Variants in XKR7 observed in about 807,000 individuals in gnomAD.
XKR7 encodes the protein XK related 7, also known as XK-related protein 7.
In XKR7, 11 loss-of-function variants were observed where a neutral mutation model predicts 42.2. That is an observed-to-expected ratio of 0.26 (90% CI 0.16 to 0.43). The LOEUF is 0.43. Ranked by LOEUF, XKR7 falls within the 20% of genes least tolerant of loss-of-function variation. The probability of loss-of-function intolerance (pLI) is 1.00; values close to 1 mark genes in which losing one functional copy is unlikely to be tolerated. For synonymous variants in XKR7, 346 were observed against 366.4 expected (o/e 0.94, Z 0.64); for missense variants, 710 against 802.2 (o/e 0.89, Z 1.39).
rs946970666 is a variant in XKR7, at chr20:31,995,965, C to A, written c.788-540C>A. Among the ~76,000 whole-genome samples, 5 of 152,056 alleles carry A rather than the reference C, an allele frequency of 3.3e-5. No individual in the cohort carries two copies. Among genetic ancestry groups the A allele is most frequent in the African/African-American group, 1.2e-4 (5 of 41,396 alleles). On this transcript the variant is annotated intron_variant, in intron 2 of 2. Transcript: ENST00000562532. This position sits in a 1 kb window ranked among gnomAD's most constrained non-coding sequence, Gnocchi z 4.1. ...CACCACCCCTCATGGCCCTGGGGAC[C>A]CCTTGCCCAGTTACGGGGTCCCAAT...
rs577684599 is a variant in XKR7, at chr20:31,995,364, C to A, written c.787+94C>A. 1 of 1,514,702 alleles carries A rather than the reference C, an allele frequency of 6.6e-7. No homozygotes were observed. Among genetic ancestry groups the A allele is most frequent in the South Asian group, 1.2e-5 (1 of 81,664 alleles). 93.8% of individuals were successfully genotyped at this position (1,514,702 alleles called of 1,614,324 possible). On this transcript the variant is annotated intron_variant, in intron 2 of 2. Transcript: ENST00000562532. This position sits in a 1 kb window ranked among gnomAD's most constrained non-coding sequence, Gnocchi z 4.1. ...CCTGGGGATGCCCTGTGGGCTTCCCCACCCCAGCTCAGGGCTCACTCAGTC... is the reference window on the plus strand; with the variant it reads ...CCTGGGGATGCCCTGTGGGCTTCCCAACCCCAGCTCAGGGCTCACTCAGTC...
chr20:31,971,191 A>T (rs1285522276), intron 1 of XKR7, among the ~76,000 whole-genome samples: 2 of 79,920 alleles, frequency 2.5e-5, no homozygotes, highest in African/African-American at 5.8e-5. Flanking sequence ...GGACGGGAAC[A>T]GTGTGTATTG....
chr20:31,983,902 C>T (rs1175259172), intron 1 of XKR7, among the ~76,000 whole-genome samples: 4 of 151,550 alleles, frequency 2.6e-5, no homozygotes, highest in Non-Finnish European at 5.9e-5. Context: ...GAGCCAAGAT[C>T]GTGCTATTGC....
rs1455095442 is a variant in XKR7, at chr20:32,002,114, G to A, written c.*4657G>A. ...GAGGAAAAACTCTAGAGTGGGAGAT[G>A]TGGAAGTGGAAAAGGAAGGCCCTGT... is the stretch of plus-strand genomic sequence containing the variant. On this transcript the variant is annotated 3_prime_UTR_variant, in exon 3 of 3. Coordinates refer to ENST00000562532, the MANE Select transcript of XKR7 (RefSeq NM_001011718.2). 1 of 152,340 alleles carries A rather than the reference G, an allele frequency of 6.6e-6. No individual in the cohort carries two copies. The highest frequency in any genetic ancestry group is 1.9e-4 in the East Asian group (1 of 5,172). 9.4% of individuals were successfully genotyped at this position (152,340 alleles called of 1,614,324 possible).
intron 1 of XKR7, among the ~76,000 whole-genome samples, chr20:31,993,888 C>T (rs549478086): frequency 3.9e-5 from 6 of 152,246 alleles, no homozygotes; most frequent in East Asian, 1.9e-4. Flanking sequence ...AGAGTCATCC[C>T]GGGTTGGGGC....
chr20:31,994,385 C>T (rs960465864), intron 1 of XKR7, among the ~76,000 whole-genome samples: 6 of 152,174 alleles, frequency 3.9e-5, no homozygotes, highest in Admixed American at 3.9e-4. Context: ...GGATAAATGA[C>T]ATATCTCTCT....
intron 1 of XKR7, among the ~76,000 whole-genome samples, chr20:31,969,661 G>A (rs1335953889): frequency 6.6e-6 from 1 of 152,182 alleles, no homozygotes; most frequent in African/African-American, 2.4e-5. Flanking sequence ...TAGGCAAGCC[G>A]CCCTCCTCCT....
At chr20:31,980,487 C>T (rs555040844) in intron 1 of XKR7, among the ~76,000 whole-genome samples, 9 of 152,200 alleles carry the variant, frequency 5.9e-5, no homozygotes, top group Non-Finnish European at 1.0e-4. Flanking sequence ...CCATGCCCCA[C>T]GGTGAAATGG....
In XKR7 at chr20:31,996,722, C is replaced by CT; in HGVS notation, c.1006dup (p.Trp336LeufsTer122). 6.2e-7 allele frequency: 1 copy of CT among 1,613,424 alleles called. No individual in the cohort carries two copies. The highest frequency in any genetic ancestry group is 8.5e-7 in the Non-Finnish European group (1 of 1,179,662). ...ATTTTGGCATCTTCATCGTGGCCCACTGGTGCGTCATGACCTTCTGGGTCA... is the reference window on the plus strand; with the variant it reads ...ATTTTGGCATCTTCATCGTGGCCCACTTGGTGCGTCATGACCTTCTGGGTCA... On this transcript the variant is annotated frameshift_variant, in exon 3 of 3. Transcript: ENST00000562532. LOFTEE classifies it high-confidence loss of function.
Position 31,995,021 on chromosome 20 carries a change from G to T in XKR7, c.585-47G>T, listed in dbSNP as rs750305697. ...CGGCTCGGGGCTGGTGCGACAGAGC[G>T]AGAGGAACCAGCGCGCGGGAGCCTG... On this transcript the variant is annotated intron_variant, in intron 1 of 2. Coordinates refer to ENST00000562532, the MANE Select transcript of XKR7 (RefSeq NM_001011718.2). This position sits in a 1 kb window ranked among gnomAD's most constrained non-coding sequence, Gnocchi z 4.1. 1.3e-6 allele frequency: 2 copies of T among 1,537,822 alleles called. No homozygotes were observed. The highest frequency in any genetic ancestry group is 1.7e-6 in the Non-Finnish European group (2 of 1,145,050).
chr20:31,983,582 G>A (rs1226946017), intron 1 of XKR7, among the ~76,000 whole-genome samples: 1 of 152,186 alleles, frequency 6.6e-6, no homozygotes, highest in Admixed American at 6.5e-5. Flanking sequence ...AGGGTGGTGG[G>A]AGAGGGTCCC....
Position 32,003,261 on chromosome 20 carries a change from G to A in XKR7, c.*5804G>A, listed in dbSNP as rs1338406461. ...CCATTCACCCTCCGAGCTTCCCCCA[G>A]GAGGGGGAGGGGGAGGGGGCCCCGA... On this transcript the variant is annotated 3_prime_UTR_variant, in exon 3 of 3. Coordinates refer to ENST00000562532, the MANE Select transcript of XKR7 (RefSeq NM_001011718.2). The A allele has an allele frequency of 1.3e-5, 2 of 151,560 alleles. No homozygotes were observed. Among genetic ancestry groups the A allele is most frequent in the Non-Finnish European group, 3.0e-5 (2 of 67,766 alleles). 9.4% of individuals were successfully genotyped at this position (151,560 alleles called of 1,614,324 possible). A position where few individuals can be genotyped will look rare whatever the true frequency, so the allele number is the denominator to read the frequency against.
At chr20:31,983,317 G>A (rs1448201959) in intron 1 of XKR7, among the ~76,000 whole-genome samples, 1 of 152,148 alleles carries the variant, frequency 6.6e-6, no homozygotes, top group African/African-American at 2.4e-5. Flanking sequence ...ATGGTTTCAG[G>A]TTGTGATGTG....
intron 1 of XKR7, among the ~76,000 whole-genome samples, chr20:31,973,157 G>T (rs1240735063): frequency 6.6e-6 from 1 of 152,194 alleles, no homozygotes; most frequent in East Asian, 1.9e-4. Context: ...GAAACTGCTG[G>T]CAATGATTAG....
intron 1 of XKR7, among the ~76,000 whole-genome samples, chr20:31,979,452 T>C (rs1168625920): frequency 6.6e-6 from 1 of 152,198 alleles, no homozygotes; most frequent in Non-Finnish European, 1.5e-5. Context: ...TTCCCCTTGT[T>C]TTTCTTTTTG....
In XKR7 at chr20:31,997,774, A is replaced by G. The variant is rs546463244; in HGVS notation, c.*317A>G. ...ACCTCTCCCCTGCCTGGCGTTGCCC[A>G]TGTGTTGCCCCTGCTGGACTTGCCA... On this transcript the variant is annotated 3_prime_UTR_variant, in exon 3 of 3. Transcript: ENST00000562532. 4.1e-5 allele frequency: 14 copies of G among 345,508 alleles called. No homozygotes were observed. The South Asian group carries it at 6.5e-4, about 16-fold the overall frequency. 21.4% of individuals were successfully genotyped at this position (345,508 alleles called of 1,614,324 possible).
chr20:31,974,353 C>T lies in XKR7; in HGVS notation c.584+5594C>T, dbSNP rs191143221. On this transcript the variant is annotated intron_variant, in intron 1 of 2. Coordinates refer to ENST00000562532, the MANE Select transcript of XKR7 (RefSeq NM_001011718.2). ...GGGTCTGCTTCAGGCTGAGCTAATG[C>T]GACCTCTTTCCTTCTTTGGTCCTCA... 4.1e-3 allele frequency among the ~76,000 whole-genome samples: 626 copies of T among 152,238 alleles called. 18 individuals carry two copies. The highest frequency in any genetic ancestry group is 1.7e-3 in the Non-Finnish European group (114 of 68,012).
At chr20:31,978,681 A>G (rs1401913329) in intron 1 of XKR7, among the ~76,000 whole-genome samples, 2 of 152,252 alleles carry the variant, frequency 1.3e-5, no homozygotes, top group Non-Finnish European at 2.9e-5. Flanking sequence ...TTTACTTGTA[A>G]TTATTTACTT....
At chr20:31,990,590 C>A (rs2122274875) in intron 1 of XKR7, among the ~76,000 whole-genome samples, 1 of 152,290 alleles carries the variant, frequency 6.6e-6, no homozygotes, top group African/African-American at 2.4e-5. Flanking sequence ...GTTTTAAGAC[C>A]TTTGTGGGCA....
Sources: allele counts gnomAD v4.1 joint callset (sites outside exome capture counted in the v4.1 genomes callset), GRCh38; gene constraint gnomAD v4.1.1; non-coding constraint Gnocchi (gnomAD v3.1); transcripts MANE v1.5; gene names NCBI Gene and HGNC (gene_info 2026-07-23, HGNC 2026-07-21).